Variants in SBNO2 observed in about 807,000 individuals in gnomAD.
SBNO2 encodes the protein strawberry notch homolog 2, also known as protein strawberry notch homolog 2.
A neutral mutation model predicts 146.3 loss-of-function variants in SBNO2; 89 were observed. The ratio of observed to expected loss-of-function variants is 0.61; its 90% confidence interval spans 0.51 to 0.73. The LOEUF is 0.73. SBNO2 is among the 30% of genes least tolerant of loss of function. The pLI, the probability that SBNO2 is intolerant of heterozygous loss-of-function variation, is 0.00. For synonymous variants in SBNO2, 1,147 were observed against 892.6 expected (o/e 1.29, Z -5.08); for missense variants, 2,092 against 2,003.7 (o/e 1.04, Z -0.84).
At chr19:1,170,108 C>T (rs901138479) in intron 1 of SBNO2, among the ~76,000 whole-genome samples, 1 of 152,234 alleles carries the variant, frequency 6.6e-6, no homozygotes, top group South Asian at 2.1e-4. Flanking sequence ...AGCACGTCTC[C>T]GCAGAGCATC....
chr19:1,121,892 G>A (rs1389241388), intron 11 of SBNO2, among the ~76,000 whole-genome samples: 1 of 152,162 alleles, frequency 6.6e-6, no homozygotes, highest in African/African-American at 2.4e-5. Context: ...CAGCCTCCCA[G>A]GACCAGAAAA....
Position 1,126,584 on chromosome 19 carries a change from C to T in SBNO2, c.441+1020G>A, listed in dbSNP as rs1052610070. On this transcript the variant is annotated intron_variant, in intron 5 of 31. Coordinates refer to ENST00000361757, the MANE Select transcript of SBNO2 (RefSeq NM_014963.3). This position sits in a 1 kb window ranked among gnomAD's most constrained non-coding sequence, Gnocchi z 4.4. ...GAGCCGCCCACCGTGAGCCACCCACCGTGGCTGCGGGGTGCCCTGATGCTT... is the reference window on the plus strand; with the variant it reads ...GAGCCGCCCACCGTGAGCCACCCACTGTGGCTGCGGGGTGCCCTGATGCTT... Among the ~76,000 whole-genome samples the T allele has an allele frequency of 7.9e-5, 12 of 152,132 alleles. No homozygotes were observed. The highest frequency in any genetic ancestry group is 2.0e-4 in the Admixed American group (3 of 15,272).
At position 1,113,546 on chromosome 19, in the gene SBNO2, G is replaced by A. The variant is rs111354056; in HGVS notation, c.2236C>T (p.Arg746Trp). ...CACGTCCCACCCACCTCCGCCACCC[G>A]CTGGGGGCCGCCCAGCTGGTCGATG... ...ELIDQLGGPQ[R>W]VAEMTGRKGR... Residue 746 changes from arginine (R) to tryptophan (W), a missense_variant, in exon 19 of 32, where the codon CGG (arginine) becomes TGG (tryptophan). By Grantham distance (101) the Arg-to-Trp change is moderately radical (BLOSUM62 -3). Coordinates refer to ENST00000361757, the MANE Select transcript of SBNO2 (RefSeq NM_014963.3). 78 of 1,593,434 alleles carry A rather than the reference G, an allele frequency of 4.9e-5. No homozygotes were observed. Among genetic ancestry groups the A allele is most frequent in the Non-Finnish European group, 6.1e-5 (72 of 1,172,030 alleles).
At chr19:1,164,409 AGGAGGAG>A (rs2080382187) in intron 1 of SBNO2, among the ~76,000 whole-genome samples, 1 of 96,410 alleles carries the variant, frequency 1.0e-5, no homozygotes, top group Non-Finnish European at 2.1e-5. Context: ...GAGGAGGAGG[AGGAGGAG>A]GAACAGGAGG....
chr19:1,162,588 C>G (rs1017390681), intron 1 of SBNO2, among the ~76,000 whole-genome samples: 2 of 152,112 alleles, frequency 1.3e-5, no homozygotes, highest in South Asian at 4.1e-4. Context: ...GAGGGACCAG[C>G]TGACATCGGC....
rs1394720664 is a variant in SBNO2, at chr19:1,112,258, G to A, written c.2559C>T (p.Val853=). 6.3e-7 allele frequency: 1 copy of A among 1,593,044 alleles called. No homozygotes were observed. The highest frequency in any genetic ancestry group is 1.8e-5 in the Admixed American group (1 of 57,136). The change falls in exon 22 of 32, where the codon GTC becomes GTT. Residue 853 remains valine (V), a synonymous_variant. Transcript: ENST00000361757. The surrounding 1 kb of genome is among the most constrained non-coding windows in gnomAD (Gnocchi z 5.9). The part of the protein sequence containing the change: ...RSNQVSAPEY[V]FLISELAGER... ...CCCCGGCCAGCTCCGAGATGAGGAA[G>A]ACATACTCTGGCGCGGAGACCTGGT...
chr19:1,164,546 AG>A (rs2080386182), intron 1 of SBNO2, among the ~76,000 whole-genome samples: 2 of 121,358 alleles, frequency 1.6e-5, no homozygotes, highest in Non-Finnish European at 1.7e-5. Flanking sequence ...GAGGAGGAGG[AG>A]GAGGAACAGG....
chr19:1,142,383 G>T (rs1049121618), intron 4 of SBNO2, among the ~76,000 whole-genome samples: 2 of 151,578 alleles, frequency 1.3e-5, no homozygotes, highest in African/African-American at 2.4e-5. Flanking sequence ...CGGGTCCACG[G>T]CTCATCTGCT....
rs772273670 is a variant in SBNO2, at chr19:1,112,141, C to T, written c.2628+48G>A. On this transcript the variant is annotated intron_variant, in intron 22 of 31. Coordinates refer to ENST00000361757, the MANE Select transcript of SBNO2 (RefSeq NM_014963.3). This position sits in a 1 kb window ranked among gnomAD's most constrained non-coding sequence, Gnocchi z 5.9. The stretch of plus-strand genomic sequence containing the variant: ...TAGCACCCCACAAAGCTTTGGAGAG[C>T]CTTCCTGGGCCTGTCCCTGGTTCTC... 6.3e-7 allele frequency: 1 copy of T among 1,594,544 alleles called. No individual in the cohort carries two copies. Among genetic ancestry groups the T allele is most frequent in the South Asian group, 1.1e-5 (1 of 88,682 alleles).
At chr19:1,111,849 C>T (rs1195053706) in intron 23 of SBNO2, 147 bp downstream of exon 23, 12 of 865,440 alleles carry the variant, frequency 1.4e-5, no homozygotes, top group African/African-American at 3.4e-5. Flanking sequence ...CCCTTCCCCC[C>T]TGGGGGTCCT....
At position 1,111,925 on chromosome 19, in the gene SBNO2, G is replaced by A. The variant is rs1187384826; in HGVS notation, c.2700+71C>T. On this transcript the variant is annotated intron_variant, in intron 23 of 31. Transcript: ENST00000361757. ...CAGCCCCCATCTACCCCCTCCCCCA[G>A]GCTCTTAGATCCGGCCCTCCCTAGA... 3.9e-6 allele frequency: 5 copies of A among 1,276,076 alleles called. No individual in the cohort carries two copies. In the Admixed American group the frequency reaches 6.4e-5, roughly 16 times the overall value. 79.0% of individuals were successfully genotyped at this position (1,276,076 alleles called of 1,614,324 possible). A position where few individuals can be genotyped will look rare whatever the true frequency, so the allele number is the denominator to read the frequency against.
At chr19:1,154,440 G>C (rs1438188381) in intron 1 of SBNO2, 38 bp from the exon 2 acceptor site, 63 of 391,670 alleles carry the variant, frequency 1.6e-4, no homozygotes, top group Admixed American at 4.5e-5. Context: ...GAGTCCAACG[G>C]TGGTGGAGAG....
chr19:1,117,212 G>T (rs2079843118), intron 15 of SBNO2, 111 bp downstream of exon 15: 1 of 1,147,868 alleles, frequency 8.7e-7, no homozygotes, highest in African/African-American at 1.6e-5. Context: ...ACCCACCAGG[G>T]TGCAGCCCCC....
In SBNO2 at chr19:1,112,930, C is replaced by T. The variant is rs1373644544; in HGVS notation, c.2267G>A (p.Arg756His). 3.2e-6 allele frequency: 5 copies of T among 1,564,392 alleles called. No homozygotes were observed. The highest frequency in any genetic ancestry group is 2.4e-5 in the East Asian group (1 of 41,874). ...RVAEMTGRKGRVVSRPDGTVA... is the reference protein window; with the variant it reads ...RVAEMTGRKGHVVSRPDGTVA... The stretch of plus-strand genomic sequence containing the variant: ...CGTCCCGTCGGGCCTGGACACCACG[C>T]GGCCTTTCCTGCCGGTCATCTGCAG... Residue 756 changes from arginine to histidine, a missense_variant, in exon 20 of 32, where the codon CGC becomes CAC. Transcript: ENST00000361757. This position sits in a 1 kb window ranked among gnomAD's most constrained non-coding sequence, Gnocchi z 5.9.
Position 1,147,438 on chromosome 19 carries a change from GGGGGGA to G in SBNO2, c.168-24_168-19del. 7.8e-7 allele frequency: 1 copy of G among 1,286,848 alleles called. No individual in the cohort carries two copies. Among genetic ancestry groups the G allele is most frequent in the Non-Finnish European group, 1.1e-6 (1 of 941,592 alleles). 79.7% of individuals were successfully genotyped at this position (1,286,848 alleles called of 1,614,324 possible). A position where few individuals can be genotyped will look rare whatever the true frequency, so the allele number is the denominator to read the frequency against. On this transcript the variant is annotated intron_variant, in intron 3 of 31. Transcript: ENST00000361757. ...TGAACGGGCTGGAGGGAGATGGGGGGGGGGGAGGTGAGATGGGGTGCTCAACCCACT... is the reference window on the plus strand; with the variant it reads ...TGAACGGGCTGGAGGGAGATGGGGGGGGTGAGATGGGGTGCTCAACCCACT...
In SBNO2 at chr19:1,109,221, CAG is replaced by C. The variant is rs1568548035; in HGVS notation, c.3349-12_3349-11del. 5 of 1,569,738 alleles carry C rather than the reference CAG, an allele frequency of 3.2e-6. No individual in the cohort carries two copies. The highest frequency in any genetic ancestry group is 4.3e-6 in the Non-Finnish European group (5 of 1,158,264). The stretch of plus-strand genomic sequence containing the variant: ...CCTCCTCCGCGGTGACCTAGGGACA[CAG>C]GGCCGCATGAGCCTGGGCGGGGTCA... On this transcript the variant is annotated splice_polypyrimidine_tract_variant and intron_variant, in intron 29 of 31. Transcript: ENST00000361757. The surrounding 1 kb of genome is among the most constrained non-coding windows in gnomAD (Gnocchi z 4.2).
intron 4 of SBNO2, among the ~76,000 whole-genome samples, chr19:1,133,756 C>T (rs1452473907): frequency 1.3e-5 from 2 of 151,930 alleles, no homozygotes; most frequent in Admixed American, 1.3e-4. Flanking sequence ...ACCGCTCAAC[C>T]CAGTAGCCAA....
Position 1,157,725 on chromosome 19 carries a change from G to C in SBNO2, c.-126-3323C>G, listed in dbSNP as rs1259753447. On this transcript the variant is annotated intron_variant, in intron 1 of 31. Transcript: ENST00000361757. The surrounding 1 kb of genome is among the most constrained non-coding windows in gnomAD (Gnocchi z 6.8). ...GATGAAGGTGCTGGTGGCCCAGACA[G>C]GACAACCACTGGGAAGGCAGAACCT... Among the ~76,000 whole-genome samples, 1 of 152,178 alleles carries C rather than the reference G, an allele frequency of 6.6e-6. No individual in the cohort carries two copies. The highest frequency in any genetic ancestry group is 1.5e-5 in the Non-Finnish European group (1 of 68,020).
At position 1,165,509 on chromosome 19, in the gene SBNO2, G is replaced by A. The variant is rs192809247; in HGVS notation, c.-127+8663C>T. On this transcript the variant is annotated intron_variant, in intron 1 of 31. Coordinates refer to ENST00000361757, the MANE Select transcript of SBNO2 (RefSeq NM_014963.3). ...GCACTCAGTCCCGTACCCTTGGACA[G>A]AGCAAGAGTCCCAAGCCAGGAATGT... 3.9e-5 allele frequency among the ~76,000 whole-genome samples: 6 copies of A among 152,260 alleles called. No homozygotes were observed. The East Asian group carries it at 7.7e-4, about 20-fold the overall frequency.
Sources: allele counts gnomAD v4.1 joint callset (sites outside exome capture counted in the v4.1 genomes callset), GRCh38; gene constraint gnomAD v4.1.1; non-coding constraint Gnocchi (gnomAD v3.1); transcripts MANE v1.5; gene names NCBI Gene and HGNC (gene_info 2026-07-23, HGNC 2026-07-21).